ATP6V1A: variants seen among roughly 807,000 people sequenced by gnomAD.
The protein encoded by ATP6V1A is V-type proton ATPase catalytic subunit A.
In ATP6V1A, 18 loss-of-function variants were observed where a neutral mutation model predicts 70.1. The ratio of observed to expected loss-of-function variants is 0.26; its 90% CI spans 0.18 to 0.38. The LOEUF (loss-of-function observed/expected upper bound fraction) is 0.38, where lower values mean the gene tolerates loss of function less well. Among genes scored for constraint, ATP6V1A ranks in the 10% least tolerant of loss-of-function variants. ATP6V1A has a pLI of 1.00. For synonymous variants in ATP6V1A, 232 were observed against 253.8 expected (o/e 0.91, Z 0.82); for missense variants, 424 against 772.4 (o/e 0.55, Z 5.35).
At chr3:113,773,063 G>A (rs1218361061) in intron 1 of ATP6V1A, among the ~76,000 whole-genome samples, 1 of 148,150 alleles carries the variant, frequency 6.7e-6, no homozygotes, top group Non-Finnish European at 1.5e-5. Flanking sequence ...TCAGCCTCCT[G>A]AGTAGTTGGG....
chr3:113,753,521 G>A (rs1030297621), intron 1 of ATP6V1A, among the ~76,000 whole-genome samples: 1 of 152,112 alleles, frequency 6.6e-6, no homozygotes, highest in Non-Finnish European at 1.5e-5. Flanking sequence ...AATGTTAGTA[G>A]TGGCAAAAAA....
At chr3:113,759,322 G>T (rs760241477) in intron 1 of ATP6V1A, among the ~76,000 whole-genome samples, 3 of 137,542 alleles carry the variant, frequency 2.2e-5, no homozygotes, top group Non-Finnish European at 3.1e-5. Flanking sequence ...GTATACGTTG[G>T]TTCTACCACC....
intron 14 of ATP6V1A, among the ~76,000 whole-genome samples, chr3:113,807,373 G>T (rs1009312731): frequency 6.6e-6 from 1 of 151,638 alleles, no homozygotes; most frequent in Non-Finnish European, 1.5e-5. Flanking sequence ...AGAGACGGGG[G>T]TTTCTCTATG....
chr3:113,760,250 A>C (rs925727288), intron 1 of ATP6V1A, among the ~76,000 whole-genome samples: 2 of 152,226 alleles, frequency 1.3e-5, no homozygotes, highest in African/African-American at 4.8e-5. Context: ...TTTTTCACCT[A>C]TCTTAGGCAG....
At chr3:113,749,263 TCACACACACACACACACACACA>T (rs58516178) in intron 1 of ATP6V1A, among the ~76,000 whole-genome samples, 3 of 141,162 alleles carry the variant, frequency 2.1e-5, no homozygotes, top group East Asian at 2.1e-4. Context: ...TATACACAGA[TCACACACACACACACACACACA>T]CACACACACA....
intron 1 of ATP6V1A, among the ~76,000 whole-genome samples, chr3:113,754,470 G>A (rs1423386810): frequency 6.6e-6 from 1 of 151,998 alleles, no homozygotes; most frequent in African/African-American, 2.4e-5. Flanking sequence ...GGCATTCAAG[G>A]TTTCAGTGAA....
At chr3:113,801,171 AATAC>A (rs1709207615) in intron 12 of ATP6V1A, 1 of 151,854 alleles carries the variant, frequency 6.6e-6, no homozygotes, top group Non-Finnish European at 1.5e-5. Context: ...AAAATAAGTA[AATAC>A]ATAAATAATA....
At chr3:113,761,722 GC>G (rs1188402690) in intron 1 of ATP6V1A, among the ~76,000 whole-genome samples, 1 of 132,196 alleles carries the variant, frequency 7.6e-6, no homozygotes, top group Non-Finnish European at 1.6e-5. Context: ...GGCAACAAGA[GC>G]AAAACTCTGT....
chr3:113,781,378 A>G (rs1708976132), intron 3 of ATP6V1A, among the ~76,000 whole-genome samples, 200 bp downstream of exon 3: 1 of 152,204 alleles, frequency 6.6e-6, no homozygotes, highest in African/African-American at 2.4e-5. Context: ...TCAGCTGGGT[A>G]TAGTGGCAGG....
At chr3:113,788,583 T>C in intron 6 of ATP6V1A, 130 bp from the exon 7 acceptor site, 1 of 711,018 alleles carries the variant, frequency 1.4e-6, no homozygotes, top group South Asian at 2.0e-5. Context: ...TCACTTCAGA[T>C]GATCCACCCG....
At chr3:113,758,733 T>G (rs1708671612) in intron 1 of ATP6V1A, among the ~76,000 whole-genome samples, 1 of 152,234 alleles carries the variant, frequency 6.6e-6, no homozygotes, top group Non-Finnish European at 1.5e-5. Context: ...ATTTTAACTT[T>G]CTAAGAAACT....
chr3:113,765,935 A>AG (rs1421400203), intron 1 of ATP6V1A, among the ~76,000 whole-genome samples: 2 of 152,232 alleles, frequency 1.3e-5, no homozygotes, highest in South Asian at 4.1e-4. Flanking sequence ...TCAAAAAAAA[A>AG]GGAGATGGGT....
chr3:113,784,982 AT>A, intron 5 of ATP6V1A, 149 bp downstream of exon 5: 1 of 875,420 alleles, frequency 1.1e-6, no homozygotes, highest in Non-Finnish European at 1.6e-6. Flanking sequence ...TTGTTTGTTT[AT>A]TTTTAACTTG....
chr3:113,765,440 A>G (rs528540474), intron 1 of ATP6V1A, among the ~76,000 whole-genome samples: 2 of 152,050 alleles, frequency 1.3e-5, no homozygotes, highest in South Asian at 4.1e-4. Context: ...CCCCATCTCT[A>G]CTAAAAATAC....
intron 1 of ATP6V1A, among the ~76,000 whole-genome samples, chr3:113,759,100 C>A (rs1708673948): frequency 6.6e-6 from 1 of 152,066 alleles, no homozygotes; most frequent in South Asian, 2.1e-4. Flanking sequence ...CCAGTCTTTA[C>A]CTTGTCTTTT....
Position 113,798,368 on chromosome 3 carries a change from C to T in ATP6V1A, c.1416C>T (p.Phe472=), listed in dbSNP as rs753550267. 3.0e-5 allele frequency: 49 copies of T among 1,613,844 alleles called. No individual in the cohort carries two copies. The highest frequency in any genetic ancestry group is 6.7e-5 in the Admixed American group (4 of 59,996). Residue 472 remains phenylalanine (F), a synonymous_variant, in exon 12 of 15, where the codon TTC becomes TTT. Coordinates refer to ENST00000273398, the MANE Select transcript of ATP6V1A (RefSeq NM_001690.4). ...ACTATGACAAACACTTCACAGAGTT[C>T]GTTCCTCTGAGGACGAAAGCTAAGG... ...DEYYDKHFTE[F]VPLRTKAKEI...
intron 1 of ATP6V1A, among the ~76,000 whole-genome samples, chr3:113,771,659 G>A (rs992233733): frequency 2.2e-4 from 34 of 152,030 alleles, no homozygotes; most frequent in Admixed American, 1.3e-4. Context: ...GGATGGTCTC[G>A]ATCTCCTGAC....
At chr3:113,749,263 TCACACACACA>T (rs58516178) in intron 1 of ATP6V1A, among the ~76,000 whole-genome samples, 1,429 of 141,254 alleles carry the variant, frequency 0.01, 24 homozygotes, top group Admixed American at 0.037. Context: ...TATACACAGA[TCACACACACA>T]CACACACACA....
chr3:113,769,324 G>A (rs1330384863), intron 1 of ATP6V1A, among the ~76,000 whole-genome samples: 2 of 152,142 alleles, frequency 1.3e-5, no homozygotes, highest in African/African-American at 4.8e-5. Context: ...GTGAAAATAA[G>A]TAATTGGTTA....
Sources: gnomAD v4.1 joint callset for allele counts (sites outside exome capture counted in the v4.1 genomes callset) on GRCh38, gnomAD v4.1.1 for gene constraint, MANE v1.5 for transcripts, NCBI Gene and HGNC (gene_info 2026-07-23, HGNC 2026-07-21) for gene names.